The following ERBB4 variants were observed in gnomAD, a reference collection of about 807,000 sequenced individuals.
The protein encoded by ERBB4 is erb-b2 receptor tyrosine kinase 4.
Under a neutral mutation model 158.0 loss-of-function variants are expected in ERBB4, and 42 were observed. That is an observed-to-expected ratio of 0.27 (90% CI 0.21 to 0.34). The LOEUF (loss-of-function observed/expected upper bound fraction) is 0.34. ERBB4 is among the 10% of genes least tolerant of loss of function. ERBB4 has a pLI of 1.00. For synonymous variants in ERBB4, 583 were observed against 558.7 expected (o/e 1.04, Z -0.61); for missense variants, 1,333 against 1,624.1 (o/e 0.82, Z 3.08).
At chr2:212,114,584 T>C (rs540530618) in intron 2 of ERBB4, among the ~76,000 whole-genome samples, 1 of 152,358 alleles carries the variant, frequency 6.6e-6, no homozygotes, top group East Asian at 1.9e-4. Context: ...CATATTTGCT[T>C]GTACTTTCTC....
At chr2:211,870,880 A>G (rs908461225) in intron 3 of ERBB4, among the ~76,000 whole-genome samples, 1 of 152,104 alleles carries the variant, frequency 6.6e-6, no homozygotes, top group Non-Finnish European at 1.5e-5. Flanking sequence ...TTTTCAGTAT[A>G]AGGGAATTCA....
chr2:211,522,897 T>G (rs1483793821), intron 20 of ERBB4, among the ~76,000 whole-genome samples: 2 of 151,970 alleles, frequency 1.3e-5, no homozygotes, highest in South Asian at 2.1e-4. Flanking sequence ...ATGACTTGCT[T>G]TATTACAGCA....
intron 25 of ERBB4, among the ~76,000 whole-genome samples, chr2:211,392,893 G>A (rs565805914): frequency 3.3e-5 from 5 of 151,998 alleles, no homozygotes; most frequent in Non-Finnish European, 7.4e-5. Flanking sequence ...CTGACCTCAT[G>A]ATCCACCTGC....
intron 2 of ERBB4, among the ~76,000 whole-genome samples, chr2:212,003,880 T>G (rs964059167): frequency 6.6e-6 from 1 of 152,122 alleles, no homozygotes; most frequent in Non-Finnish European, 1.5e-5. Context: ...ATATTTTCTC[T>G]AAGCTCCAGT....
intron 3 of ERBB4, among the ~76,000 whole-genome samples, chr2:211,893,484 C>T (rs1187887384): frequency 1.4e-5 from 2 of 140,690 alleles, no homozygotes; most frequent in Admixed American, 6.9e-5. Flanking sequence ...CATTACCATT[C>T]AGGACATAGG....
intron 16 of ERBB4, among the ~76,000 whole-genome samples, chr2:211,650,925 C>T (rs938116482): frequency 1.3e-5 from 2 of 152,270 alleles, no homozygotes; most frequent in African/African-American, 4.8e-5. Context: ...TTTAACTGCA[C>T]TGAAAGTGCT....
intron 1 of ERBB4, among the ~76,000 whole-genome samples, chr2:212,278,763 T>C (rs2085640928): frequency 6.6e-6 from 1 of 151,660 alleles, no homozygotes; most frequent in Non-Finnish European, 1.5e-5. Context: ...AAGCTAAAAT[T>C]AATAAAATGA....
At chr2:212,087,782 A>G (rs1401537101) in intron 2 of ERBB4, among the ~76,000 whole-genome samples, 1 of 152,140 alleles carries the variant, frequency 6.6e-6, no homozygotes, top group East Asian at 1.9e-4. Flanking sequence ...TTTTAAGGAC[A>G]AAGAAGATGT....
intron 20 of ERBB4, among the ~76,000 whole-genome samples, chr2:211,523,928 G>C (rs1412094219): frequency 6.6e-6 from 1 of 152,034 alleles, no homozygotes; most frequent in Non-Finnish European, 1.5e-5. Flanking sequence ...TACAATCCCT[G>C]AGCTAGAAAC....
rs4619547 is a variant in ERBB4, at chr2:212,187,452, G to A, written c.83-62549C>T. ...ATAAATAAATAAATAAATAAATAAA[G>A]ATGTTAATCTTCCATTATAATTATA... On this transcript the variant is annotated intron_variant, in intron 1 of 27. Transcript: ENST00000342788. Among the ~76,000 whole-genome samples the A allele has an allele frequency of 7.5e-5, 10 of 133,542 alleles. No homozygotes were observed. The South Asian group carries it at 1.9e-3, about 26-fold the overall frequency. The allele number at this position is 133,542 out of a possible 152,430, so 87.6% of individuals were successfully genotyped here.
chr2:211,733,678 C>A (rs1359686650), intron 5 of ERBB4, among the ~76,000 whole-genome samples: 2 of 148,302 alleles, frequency 1.3e-5, no homozygotes, highest in Admixed American at 6.7e-5. Context: ...AAACAAAAAC[C>A]AAAAAAAAAA....
chr2:212,126,878 C>G (rs2079947857), intron 1 of ERBB4, among the ~76,000 whole-genome samples: 1 of 152,118 alleles, frequency 6.6e-6, no homozygotes. Flanking sequence ...ACCTTAAAGC[C>G]TGTTTTTGCC....
chr2:211,810,000 T>G (rs754485331), intron 3 of ERBB4, among the ~76,000 whole-genome samples: 7 of 152,206 alleles, frequency 4.6e-5, no homozygotes, highest in Non-Finnish European at 8.8e-5. Context: ...TTGTGCTGTT[T>G]TGAGTGAGTT....
intron 20 of ERBB4, among the ~76,000 whole-genome samples, chr2:211,509,700 C>T (rs956100502): frequency 2.0e-5 from 3 of 151,992 alleles, no homozygotes; most frequent in Non-Finnish European, 4.4e-5. Context: ...ATGCCTCCAA[C>T]AAAGGAGTAA....
At chr2:211,525,369 G>A (rs1192831558) in intron 20 of ERBB4, among the ~76,000 whole-genome samples, 1 of 152,114 alleles carries the variant, frequency 6.6e-6, no homozygotes, top group Non-Finnish European at 1.5e-5. Context: ...GTAGGATAGG[G>A]CAGTGTTCTA....
chr2:212,469,769 A>G (rs1266891708), intron 1 of ERBB4, among the ~76,000 whole-genome samples: 2 of 152,116 alleles, frequency 1.3e-5, no homozygotes, highest in African/African-American at 4.8e-5. Context: ...CCAAAATTCT[A>G]GTGTGATCAT....
chr2:212,050,612 A>T (rs149676477), intron 2 of ERBB4, among the ~76,000 whole-genome samples: 39 of 152,296 alleles, frequency 2.6e-4, no homozygotes, highest in African/African-American at 9.4e-4. Context: ...TGCTGATATT[A>T]CTTCCAAAAT....
At chr2:212,319,809 C>A (rs539076742) in intron 1 of ERBB4, among the ~76,000 whole-genome samples, 80 of 150,328 alleles carry the variant, frequency 5.3e-4, no homozygotes, top group African/African-American at 1.9e-3. Context: ...ACAATGCCAG[C>A]CCCTTTCTCA....
chr2:211,564,948 AC>A (rs2067505473), intron 19 of ERBB4, among the ~76,000 whole-genome samples: 1 of 152,230 alleles, frequency 6.6e-6, no homozygotes, highest in South Asian at 2.1e-4. Flanking sequence ...AGTGATAGAT[AC>A]ATAGAAAACT....
Sources: allele counts gnomAD v4.1 joint callset (sites outside exome capture counted in the v4.1 genomes callset), GRCh38; gene constraint gnomAD v4.1.1; transcripts MANE v1.5; gene names NCBI Gene and HGNC (gene_info 2026-07-23, HGNC 2026-07-21).